CAMKMT: variants seen among roughly 807,000 people sequenced by gnomAD.
CAMKMT encodes CaM KMT.
A neutral mutation model predicts 48.0 loss-of-function variants in CAMKMT; 53 were observed. That is an observed-to-expected ratio of 1.10 (90% confidence interval 0.89 to 1.39). The LOEUF is 1.39. Ranked by LOEUF, CAMKMT falls within the 40% of genes most tolerant of loss-of-function variation. CAMKMT has a pLI of 0.00. For synonymous variants in CAMKMT, 165 were observed against 152.3 expected (o/e 1.08, Z -0.61); for missense variants, 428 against 402.7 (o/e 1.06, Z -0.54).
intron 3 of CAMKMT, among the ~76,000 whole-genome samples, chr2:44,479,569 C>A (rs1327934277): frequency 1.3e-5 from 2 of 152,212 alleles, no homozygotes; most frequent in Non-Finnish European, 2.9e-5. Context: ...CATCACATTT[C>A]TGTCCCCAGT....
At chr2:44,410,231 GTA>G (rs1301135062) in intron 3 of CAMKMT, among the ~76,000 whole-genome samples, 510 of 20,438 alleles carry the variant, frequency 0.025, 128 homozygotes, top group Middle Eastern at 0.071. Context: ...TCAGGTATCA[GTA>G]TATATATATA....
rs536241518 is a variant in CAMKMT, at chr2:44,648,250, C to A, written c.377-56033C>A. ...TTGATAGAAAAAGCTCTGGAAGGCC[C>A]ACCTAATTGTCAGCAACAATTACTC... On this transcript the variant is annotated intron_variant, in intron 3 of 10. Transcript: ENST00000378494. 3.3e-5 allele frequency among the ~76,000 whole-genome samples: 5 copies of A among 152,004 alleles called. No homozygotes were observed. In the South Asian group the frequency reaches 1.0e-3, roughly 32 times the overall value.
At chr2:44,403,331 C>T (rs1469995890) in intron 3 of CAMKMT, among the ~76,000 whole-genome samples, 1 of 152,144 alleles carries the variant, frequency 6.6e-6, no homozygotes, top group East Asian at 1.9e-4. Flanking sequence ...TTACCACCAC[C>T]CTCCTTGAGC....
intron 9 of CAMKMT, among the ~76,000 whole-genome samples, chr2:44,765,252 G>T (rs1168967655): frequency 6.6e-6 from 1 of 151,958 alleles, no homozygotes; most frequent in African/African-American, 2.4e-5. Flanking sequence ...TAAAGGAGAT[G>T]ATGTTTATAT....
chr2:44,386,600 GAC>G (rs1372544137), intron 2 of CAMKMT, among the ~76,000 whole-genome samples: 1 of 151,968 alleles, frequency 6.6e-6, no homozygotes, highest in Non-Finnish European at 1.5e-5. Context: ...CTTGAGGTGT[GAC>G]CTTAGACTGT....
intron 3 of CAMKMT, among the ~76,000 whole-genome samples, chr2:44,451,687 G>A (rs1315312811): frequency 6.6e-6 from 1 of 151,816 alleles, no homozygotes; most frequent in Non-Finnish European, 1.5e-5. Flanking sequence ...TGTGAAATAT[G>A]TTTACCTTTT....
At chr2:44,433,310 C>T (rs1376227355) in intron 3 of CAMKMT, among the ~76,000 whole-genome samples, 1 of 152,062 alleles carries the variant, frequency 6.6e-6, no homozygotes, top group African/African-American at 2.4e-5. Context: ...ACATTCATGA[C>T]TGATGCAATA....
intron 8 of CAMKMT, among the ~76,000 whole-genome samples, chr2:44,753,329 G>A (rs1297946026): frequency 1.3e-5 from 2 of 150,902 alleles, no homozygotes; most frequent in Non-Finnish European, 3.0e-5. Context: ...TGGGAGGCTG[G>A]GGTGGGAGGA....
chr2:44,745,477 T>C (rs1246069231), intron 8 of CAMKMT, among the ~76,000 whole-genome samples: 2 of 152,208 alleles, frequency 1.3e-5, no homozygotes, highest in African/African-American at 4.8e-5. Flanking sequence ...CTGATATACA[T>C]AATGCATATT....
intron 3 of CAMKMT, among the ~76,000 whole-genome samples, chr2:44,568,669 GGGT>G (rs1668739782): frequency 2.6e-5 from 4 of 152,140 alleles, no homozygotes; most frequent in Admixed American, 1.3e-4. Context: ...GCCAGACTGT[GGGT>G]CCATGAGGGC....
intron 3 of CAMKMT, among the ~76,000 whole-genome samples, chr2:44,681,560 G>C (rs1445744289): frequency 3.3e-5 from 5 of 151,400 alleles, no homozygotes; most frequent in South Asian, 4.2e-4. Flanking sequence ...TTTTTTGGAG[G>C]GGGAGGGGAA....
Position 44,754,123 on chromosome 2 carries a change from G to T in CAMKMT, c.762+5G>T. 1.9e-6 allele frequency: 3 copies of T among 1,611,474 alleles called. No individual in the cohort carries two copies. Among genetic ancestry groups the T allele is most frequent in the Non-Finnish European group, 2.5e-6 (3 of 1,177,634 alleles). On this transcript the variant is annotated splice_donor_5th_base_variant and intron_variant, in intron 9 of 10. Transcript: ENST00000378494. The stretch of plus-strand genomic sequence containing the variant: ...AAGAGATTACTCCAGCCCAGGGTAA[G>T]TATGTTTCTATTTTCTCCTGAACAC...
intron 3 of CAMKMT, among the ~76,000 whole-genome samples, chr2:44,562,720 C>T (rs1341010113): frequency 6.6e-6 from 1 of 152,136 alleles, no homozygotes; most frequent in Non-Finnish European, 1.5e-5. Flanking sequence ...GCCACCACAC[C>T]CAGCTAATTC....
intron 3 of CAMKMT, among the ~76,000 whole-genome samples, chr2:44,488,684 A>C: frequency 6.6e-6 from 1 of 151,956 alleles, no homozygotes; most frequent in Non-Finnish European, 1.5e-5. Context: ...CCTGGGTGAC[A>C]AGCGAGATCC....
chr2:44,498,815 T>C (rs1049705084), intron 3 of CAMKMT, among the ~76,000 whole-genome samples: 1 of 152,212 alleles, frequency 6.6e-6, no homozygotes, highest in Non-Finnish European at 1.5e-5. Context: ...ATCTCCTTAA[T>C]TATTGGCCAA....
At chr2:44,441,107 A>AT (rs1408656959) in intron 3 of CAMKMT, among the ~76,000 whole-genome samples, 1 of 151,782 alleles carries the variant, frequency 6.6e-6, no homozygotes, top group Non-Finnish European at 1.5e-5. Flanking sequence ...TTCCTTAACA[A>AT]TTTTTTTCTC....
rs536896319 is a variant in CAMKMT, at chr2:44,465,588, A to G, written c.376+75283A>G. Among the ~76,000 whole-genome samples the G allele has an allele frequency of 5.6e-5, 8 of 142,562 alleles. No individual in the cohort carries two copies. In the South Asian group the frequency reaches 9.1e-4, roughly 16 times the overall value. 93.5% of individuals were successfully genotyped at this position (142,562 alleles called of 152,430 possible). On this transcript the variant is annotated intron_variant, in intron 3 of 10. Transcript: ENST00000378494. ...TCTGTCAAAAAAAAAAAAAAAATCA[A>G]TGAAACATAAAGGGAGACAGCAAGA...
At chr2:44,546,367 G>C (rs1045921869) in intron 3 of CAMKMT, among the ~76,000 whole-genome samples, 1 of 152,140 alleles carries the variant, frequency 6.6e-6, no homozygotes, top group African/African-American at 2.4e-5. Flanking sequence ...CTCTCCTGAG[G>C]TCTACATCAG....
chr2:44,739,580 T>C (rs537692302), intron 7 of CAMKMT, among the ~76,000 whole-genome samples: 1 of 152,330 alleles, frequency 6.6e-6, no homozygotes, highest in East Asian at 1.9e-4. Context: ...TATATGAATC[T>C]AGAGTTCATG....
Sources: allele counts gnomAD v4.1 joint callset (sites outside exome capture counted in the v4.1 genomes callset), GRCh38; gene constraint gnomAD v4.1.1; transcripts MANE v1.5; gene names NCBI Gene and HGNC (gene_info 2026-07-23, HGNC 2026-07-21).